Variants in LSAMP observed in about 807,000 individuals in gnomAD.
LSAMP encodes the protein limbic system associated membrane protein.
Under a neutral mutation model 38.6 loss-of-function variants are expected in LSAMP, and 7 were observed. The ratio of observed to expected loss-of-function variants is 0.18; its 90% CI spans 0.10 to 0.34. LSAMP has a LOEUF of 0.34. Among genes scored for constraint, LSAMP ranks in the 10% least tolerant of loss-of-function variants. LSAMP has a pLI of 1.00. For synonymous variants in LSAMP, 154 were observed against 166.8 expected (o/e 0.92, Z 0.59); for missense variants, 313 against 420.0 (o/e 0.75, Z 2.23).
intron 4 of LSAMP, among the ~76,000 whole-genome samples, chr3:115,846,202 T>C (rs1935153321): frequency 6.6e-6 from 1 of 152,214 alleles, no homozygotes; most frequent in Non-Finnish European, 1.5e-5. Flanking sequence ...ATCATAAAAA[T>C]GCTGCACAGA....
intron 1 of LSAMP, among the ~76,000 whole-genome samples, chr3:116,245,340 A>G (rs1014145114): frequency 2.0e-5 from 3 of 152,186 alleles, no homozygotes; most frequent in Non-Finnish European, 4.4e-5. Context: ...TCACCCCACT[A>G]TGATATGGCT....
intron 1 of LSAMP, among the ~76,000 whole-genome samples, chr3:116,113,960 C>T (rs1708687175): frequency 6.6e-6 from 1 of 152,124 alleles, no homozygotes; most frequent in South Asian, 2.1e-4. Flanking sequence ...GCATGATTTA[C>T]TGAATTTAAC....
chr3:115,886,754 C>T (rs1254416931), intron 3 of LSAMP, among the ~76,000 whole-genome samples: 1 of 151,844 alleles, frequency 6.6e-6, no homozygotes, highest in Non-Finnish European at 1.5e-5. Context: ...CACTTATGGC[C>T]CAAGATGAAA....
intron 1 of LSAMP, among the ~76,000 whole-genome samples, chr3:116,328,144 A>G (rs1032131563): frequency 6.6e-6 from 1 of 152,164 alleles, no homozygotes; most frequent in Non-Finnish European, 1.5e-5. Context: ...GAAAACTAGT[A>G]ATCCATCATG....
At chr3:115,914,556 C>T (rs1937205779) in intron 3 of LSAMP, among the ~76,000 whole-genome samples, 1 of 152,140 alleles carries the variant, frequency 6.6e-6, no homozygotes, top group African/African-American at 2.4e-5. Flanking sequence ...TTCCCTATTG[C>T]GATAGTCTTG....
chr3:116,068,545 A>T (rs952398159), intron 2 of LSAMP, among the ~76,000 whole-genome samples: 8 of 152,216 alleles, frequency 5.3e-5, no homozygotes, highest in African/African-American at 1.2e-4. Flanking sequence ...CAGTTGGGCA[A>T]TGTTTATTAC....
intron 1 of LSAMP, among the ~76,000 whole-genome samples, chr3:116,329,715 C>T (rs572001930): frequency 3.2e-4 from 48 of 152,048 alleles, no homozygotes; most frequent in African/African-American, 1.1e-3. Context: ...TGGAGTAGAA[C>T]AAATATACCA....
intron 1 of LSAMP, among the ~76,000 whole-genome samples, chr3:116,312,511 T>C (rs535585919): frequency 6.6e-6 from 1 of 152,216 alleles, no homozygotes; most frequent in Non-Finnish European, 1.5e-5. Context: ...ACTCTCCCCA[T>C]CTTCTTTGCA....
chr3:116,184,291 A>C lies in LSAMP; in HGVS notation c.156-97735T>G, dbSNP rs148109325. Among the ~76,000 whole-genome samples, 11 of 152,072 alleles carry C rather than the reference A, an allele frequency of 7.2e-5. No homozygotes were observed. In the East Asian group the frequency reaches 2.1e-3, roughly 29 times the overall value. On this transcript the variant is annotated intron_variant, in intron 1 of 6. Coordinates refer to ENST00000490035, the MANE Select transcript of LSAMP (RefSeq NM_002338.5). ...CATTATTTCCAGTTTACAGATGAGAAAAGAGAGGCACACAGAGGTTAAGTA... is the reference window on the plus strand; with the variant it reads ...CATTATTTCCAGTTTACAGATGAGACAAGAGAGGCACACAGAGGTTAAGTA...
chr3:116,229,215 C>T (rs1576447258), intron 1 of LSAMP, among the ~76,000 whole-genome samples: 1 of 152,024 alleles, frequency 6.6e-6, no homozygotes, highest in Non-Finnish European at 1.5e-5. Flanking sequence ...AAAATACTTG[C>T]CTCTCCTTTC....
intron 6 of LSAMP, among the ~76,000 whole-genome samples, chr3:115,821,988 A>T (rs1361113153): frequency 1.3e-5 from 2 of 152,208 alleles, no homozygotes; most frequent in Admixed American, 1.3e-4. Context: ...AATTTTTATT[A>T]ATTCAATTTT....
intron 3 of LSAMP, among the ~76,000 whole-genome samples, chr3:115,937,467 T>C (rs1476455144): frequency 6.6e-6 from 1 of 150,588 alleles, no homozygotes; most frequent in Non-Finnish European, 1.5e-5. Context: ...AAAGTGACAC[T>C]CTATCTTTAT....
chr3:116,039,816 C>T (rs1007889290), intron 2 of LSAMP, among the ~76,000 whole-genome samples: 1 of 152,170 alleles, frequency 6.6e-6, no homozygotes, highest in South Asian at 2.1e-4. Flanking sequence ...ATACGAATGG[C>T]AGGTGCATTT....
chr3:116,247,634 T>C lies in LSAMP; in HGVS notation c.156-161078A>G, dbSNP rs1281350322. ...TTTGGGACTATGGTAAATTTACGAGTGTACTCAGGGAAAAAGTCTTTCTGT... is the reference window on the plus strand; with the variant it reads ...TTTGGGACTATGGTAAATTTACGAGCGTACTCAGGGAAAAAGTCTTTCTGT... On this transcript the variant is annotated intron_variant, in intron 1 of 6. Coordinates refer to ENST00000490035, the MANE Select transcript of LSAMP (RefSeq NM_002338.5). 2.6e-5 allele frequency among the ~76,000 whole-genome samples: 4 copies of C among 152,048 alleles called. No homozygotes were observed. In the East Asian group the frequency reaches 5.8e-4, roughly 22 times the overall value.
At chr3:116,396,279 A>G (rs774094474) in intron 1 of LSAMP, among the ~76,000 whole-genome samples, 1 of 152,326 alleles carries the variant, frequency 6.6e-6, no homozygotes, top group South Asian at 2.1e-4. Context: ...ACTTCCATAC[A>G]TACAGTTTTA....
At chr3:116,398,629 T>C (rs1424991548) in intron 1 of LSAMP, among the ~76,000 whole-genome samples, 1 of 152,026 alleles carries the variant, frequency 6.6e-6, no homozygotes, top group Non-Finnish European at 1.5e-5. Flanking sequence ...ATTAGAAAAG[T>C]GTATTTAGGG....
At chr3:115,972,656 T>A (rs975962552) in intron 3 of LSAMP, among the ~76,000 whole-genome samples, 2 of 151,262 alleles carry the variant, frequency 1.3e-5, no homozygotes, top group Non-Finnish European at 3.0e-5. Context: ...AAATTAAAAA[T>A]ATTTGAATTA....
At chr3:116,119,028 C>CAA (rs2107484179) in intron 1 of LSAMP, among the ~76,000 whole-genome samples, 1 of 152,134 alleles carries the variant, frequency 6.6e-6, no homozygotes, top group Admixed American at 6.5e-5. Flanking sequence ...ATTTGTATAG[C>CAA]AAAATGTTTA....
At chr3:116,194,423 C>G (rs932630239) in intron 1 of LSAMP, among the ~76,000 whole-genome samples, 2 of 152,078 alleles carry the variant, frequency 1.3e-5, no homozygotes, top group Admixed American at 1.3e-4. Context: ...GAGTCAGAGT[C>G]TCGCTCTGTC....
Sources: gnomAD v4.1 joint callset for allele counts (sites outside exome capture counted in the v4.1 genomes callset) on GRCh38, gnomAD v4.1.1 for gene constraint, MANE v1.5 for transcripts, NCBI Gene and HGNC (gene_info 2026-07-23, HGNC 2026-07-21) for gene names.